The following DMD variants were observed in gnomAD, a reference collection of about 807,000 sequenced individuals.
The protein encoded by DMD is dystrophin, also known as mutant dystrophin.
A neutral mutation model predicts 330.1 loss-of-function variants in DMD; 63 were observed. The observed-to-expected ratio is 0.19, with a 90% confidence interval of 0.16 to 0.24. DMD has a LOEUF of 0.24. Among genes scored for constraint, DMD ranks in the 10% least tolerant of loss-of-function variants. The pLI is 1.00. For missense variants in DMD, 3,344 were observed against 2,684.1 expected, an observed-to-expected ratio of 1.25 and a Z score of -5.43; for synonymous variants, 1,223 against 959.8, an observed-to-expected ratio of 1.27 and a Z score of -5.07.
At chrX:33,199,522 T>G (rs2051148617) in intron 1 of DMD, among the ~76,000 whole-genome samples, 1 of 111,080 alleles carries the variant, frequency 9.0e-6, no homozygotes, top group Admixed American at 9.6e-5. Context: ...GAGGTGACTA[T>G]CACATAAGAA....
At chrX:31,566,413 T>C (rs1277693123) in intron 55 of DMD, among the ~76,000 whole-genome samples, 1 of 111,773 alleles carries the variant, frequency 8.9e-6, no homozygotes, top group Non-Finnish European at 1.9e-5. Flanking sequence ...CACATTTGCA[T>C]GGGTCTGTTT....
chrX:33,026,913 T>G (rs2094015086), intron 1 of DMD, among the ~76,000 whole-genome samples: 1 of 112,096 alleles, frequency 8.9e-6, no homozygotes, highest in African/African-American at 3.2e-5. Flanking sequence ...GCACTTAGCA[T>G]AGAATGTGTT....
At chrX:32,665,702 G>C (rs767796343) in intron 9 of DMD, among the ~76,000 whole-genome samples, 2 of 111,813 alleles carry the variant, frequency 1.8e-5, no homozygotes, top group Non-Finnish European at 3.8e-5. Flanking sequence ...TGGAAGCATT[G>C]AAAAGGGAAG....
chrX:32,653,626 G>A (rs1279543725), intron 9 of DMD, among the ~76,000 whole-genome samples: 1 of 111,916 alleles, frequency 8.9e-6, no homozygotes, highest in East Asian at 2.8e-4. Flanking sequence ...GCTTAGGATT[G>A]ACCTGGCAAT....
intron 63 of DMD, among the ~76,000 whole-genome samples, chrX:31,241,555 C>T (rs1167813950): frequency 9.0e-6 from 1 of 111,524 alleles, no homozygotes; most frequent in African/African-American, 3.3e-5. Flanking sequence ...CTCTTTTCCT[C>T]AATGGTATCA....
chrX:33,266,119 C>G (rs1278125295), intron 1 of DMD, among the ~76,000 whole-genome samples: 1 of 111,310 alleles, frequency 9.0e-6, no homozygotes, highest in Non-Finnish European at 1.9e-5. Context: ...CTTGGCCTCC[C>G]CTTATTTTTA....
At chrX:33,268,907 C>CAAAA (rs202219233) in intron 1 of DMD, among the ~76,000 whole-genome samples, 1 of 43,307 alleles carries the variant, frequency 2.3e-5, no homozygotes, top group Admixed American at 3.1e-4. Flanking sequence ...GCCTGGGTGA[C>CAAAA]AAAAAAAAAA....
In DMD at chrX:31,177,953, T is replaced by C; in HGVS notation, c.10241A>G (p.Asn3414Ser). 8.3e-7 allele frequency: 1 copy of C among 1,207,411 alleles called. No homozygotes were observed. The highest frequency in any genetic ancestry group is 1.1e-6 in the Non-Finnish European group (1 of 893,078). Reference sequence around the variant, plus strand: ...TCACGCAGAATCTACTGGCCAGAAGTTGATCAGAGTAACGGGACTGCAAAA... The same window carrying C: ...TCACGCAGAATCTACTGGCCAGAAGCTGATCAGAGTAACGGGACTGCAAAA... ...DNMETPVTLINFWPVDSAPAS... is the reference protein window; with the variant it reads ...DNMETPVTLISFWPVDSAPAS... The change falls in exon 71 of 79, where the codon AAC (asparagine) becomes AGC (serine). Residue 3414 changes from asparagine (N) to serine (S), a missense_variant. Coordinates refer to ENST00000357033, the MANE Select transcript of DMD (RefSeq NM_004006.3).
rs1366487933 is a variant in DMD at position 32,033,630 on chromosome X, AAAG to A, written c.6439-65119_6439-65117del. Among the ~76,000 whole-genome samples the A allele has an allele frequency of 6.3e-3, 400 of 63,417 alleles. 7 individuals carry two copies. The highest frequency in any genetic ancestry group is 0.034 in the African/African-American group (392 of 11,623). 55.1% of individuals were successfully genotyped at this position (63,417 alleles called of 115,157 possible). ...GAAAGAAAGAAAGAAAGAAAGAAAG[AAAG>A]AAAGAAAGAAAGAAAGAAAGAAGAA... On this transcript the variant is annotated intron_variant, in intron 44 of 78. Coordinates refer to ENST00000357033, the MANE Select transcript of DMD (RefSeq NM_004006.3).
chrX:32,675,530 C>T (rs2061909505), intron 9 of DMD, among the ~76,000 whole-genome samples: 1 of 111,481 alleles, frequency 9.0e-6, no homozygotes, highest in East Asian at 2.8e-4. Flanking sequence ...CATTATATTG[C>T]TTATATATTC....
chrX:32,821,454 G>A (rs764379997), intron 5 of DMD, among the ~76,000 whole-genome samples: 966 of 34,932 alleles, frequency 0.028, 9 homozygotes, highest in Admixed American at 0.12. Flanking sequence ...GGGCGTGGTG[G>A]GGGGGCGCCT....
intron 74 of DMD, 40 bp from the exon 75 acceptor site, chrX:31,147,558 GAAAA>G: frequency 1.7e-6 from 1 of 588,604 alleles, no homozygotes; most frequent in Non-Finnish European, 2.5e-6. Context: ...AAAAAAGAAA[GAAAA>G]AGAAAAAGAA....
chrX:31,189,900 G>A (rs2042154349), intron 67 of DMD, among the ~76,000 whole-genome samples: 1 of 112,477 alleles, frequency 8.9e-6, no homozygotes, highest in African/African-American at 3.2e-5. Context: ...TTCCTTTATC[G>A]ATTACAGTAA....
chrX:31,285,887 G>T (rs966136587), intron 62 of DMD, among the ~76,000 whole-genome samples: 1 of 112,141 alleles, frequency 8.9e-6, no homozygotes, highest in African/African-American at 3.2e-5. Context: ...GATTGATTAT[G>T]TATTAGCCAG....
chrX:32,785,081 A>G (rs1276571660), intron 7 of DMD, among the ~76,000 whole-genome samples: 2 of 110,556 alleles, frequency 1.8e-5, no homozygotes, highest in Non-Finnish European at 3.8e-5. Context: ...ATGTCAGACT[A>G]AGAATAAAAA....
At chrX:32,501,224 A>C (rs749816533) in intron 19 of DMD, among the ~76,000 whole-genome samples, 8 of 111,964 alleles carry the variant, frequency 7.1e-5, no homozygotes, top group African/African-American at 2.6e-4. Flanking sequence ...CTCACTCTAA[A>C]AAAGTTACTT....
intron 27 of DMD, among the ~76,000 whole-genome samples, chrX:32,441,721 G>A (rs147718673): frequency 0.012 from 1,326 of 111,350 alleles, 12 homozygotes; most frequent in South Asian, 0.049. Context: ...TAAAATTTAA[G>A]TGAGTTTAAC....
chrX:31,730,593 A>G (rs1180333137), intron 51 of DMD, among the ~76,000 whole-genome samples: 1 of 110,863 alleles, frequency 9.0e-6, no homozygotes, highest in Non-Finnish European at 1.9e-5. Context: ...GTCTCTCTAG[A>G]TTTAAGGACC....
At chrX:32,953,227 A>G (rs986285450) in intron 2 of DMD, among the ~76,000 whole-genome samples, 23 of 110,870 alleles carry the variant, frequency 2.1e-4, no homozygotes, top group Non-Finnish European at 9.4e-5. Flanking sequence ...AAAAGATGAA[A>G]TGGCGTTTTC....
Sources: allele counts gnomAD v4.1 joint callset (sites outside exome capture counted in the v4.1 genomes callset), GRCh38; gene constraint gnomAD v4.1.1; transcripts MANE v1.5; gene names NCBI Gene and HGNC (gene_info 2026-07-23, HGNC 2026-07-21).